The following GLT8D2 variants were observed in gnomAD, a reference collection of about 807,000 sequenced individuals.
GLT8D2 encodes glycosyltransferase 8 domain-containing protein 2.
GLT8D2 carries 45 observed loss-of-function variants against 44.5 expected under a neutral mutation model. The observed-to-expected ratio is 1.01, with a 90% CI of 0.80 to 1.30. The LOEUF (loss-of-function observed/expected upper bound fraction) is 1.30, where lower values mean the gene tolerates loss of function less well. Among genes scored for constraint, GLT8D2 ranks in the 50% most tolerant of loss-of-function variants. GLT8D2 has a pLI of 0.00. For missense variants in GLT8D2, 400 were observed against 430.4 expected (o/e 0.93, Z 0.62); for synonymous variants, 156 against 157.2 (o/e 0.99, Z 0.06).
upstream of GLT8D2, among the ~76,000 whole-genome samples, chr12:104,053,988 G>A (rs1881953021): frequency 6.6e-6 from 1 of 151,910 alleles, no homozygotes; most frequent in South Asian, 2.1e-4. Flanking sequence ...ATATTTAACT[G>A]AGAAAGACTG....
chr12:104,018,363 C>T (rs1877159308), intron 3 of GLT8D2, among the ~76,000 whole-genome samples: 1 of 152,090 alleles, frequency 6.6e-6, no homozygotes, highest in African/African-American at 2.4e-5. Flanking sequence ...TTTGTCTTCC[C>T]ATTTGTAAAA....
intron 5 of GLT8D2, among the ~76,000 whole-genome samples, chr12:104,001,372 A>G (rs1346983920): frequency 2.0e-5 from 3 of 152,244 alleles, no homozygotes; most frequent in Non-Finnish European, 2.9e-5. Flanking sequence ...ATGTACTAGA[A>G]TTTTTGTAGC....
At chr12:104,034,599 C>T (rs920676919) in intron 1 of GLT8D2, among the ~76,000 whole-genome samples, 1 of 152,238 alleles carries the variant, frequency 6.6e-6, no homozygotes, top group Non-Finnish European at 1.5e-5. Context: ...AGGGCGTCCA[C>T]CATTGCTGAG....
In GLT8D2 at chr12:104,022,081, AAAG is replaced by A. The variant is rs1349470037; in HGVS notation, c.-163-593_-163-591del. Among the ~76,000 whole-genome samples the A allele has an allele frequency of 5.1e-4, 71 of 139,322 alleles. 3 individuals are homozygous for A. The highest frequency in any genetic ancestry group is 1.8e-3 in the African/African-American group (62 of 34,346). The allele number at this position is 139,322 out of a possible 152,430, so 91.4% of individuals were successfully genotyped here. A position where few individuals can be genotyped will look rare whatever the true frequency, so the allele number is the denominator to read the frequency against. Reference sequence around the variant, plus strand: ...GGGAAAGAAAGAAAGAAAGAAAAAAAAAGAAAGAAAGAAAGAAGAAAAGAAAAG... The same window carrying A: ...GGGAAAGAAAGAAAGAAAGAAAAAAAAAAGAAAGAAAGAAGAAAAGAAAAG... On this transcript the variant is annotated intron_variant, in intron 1 of 10. Transcript: ENST00000360814.
intron 1 of GLT8D2, among the ~76,000 whole-genome samples, chr12:104,022,432 C>T (rs1464805844): frequency 1.3e-5 from 2 of 152,166 alleles, no homozygotes; most frequent in South Asian, 2.1e-4. Flanking sequence ...AAAATACACA[C>T]CTCTACCCAA....
At chr12:104,006,351 A>T (rs902184253) in intron 4 of GLT8D2, among the ~76,000 whole-genome samples, 13 of 152,178 alleles carry the variant, frequency 8.5e-5, no homozygotes, top group Non-Finnish European at 1.8e-4. Flanking sequence ...CATTGTGCAC[A>T]TGTACCCTAA....
At chr12:104,024,878 C>A (rs773085485) in intron 1 of GLT8D2, among the ~76,000 whole-genome samples, 1 of 151,980 alleles carries the variant, frequency 6.6e-6, no homozygotes, top group Non-Finnish European at 1.5e-5. Flanking sequence ...TAAGACCAGC[C>A]TGGCCAACAT....
upstream of GLT8D2, among the ~76,000 whole-genome samples, chr12:104,053,777 G>A (rs1009666198): frequency 9.1e-4 from 138 of 152,004 alleles, no homozygotes; most frequent in Non-Finnish European, 1.6e-3. Flanking sequence ...CCAACTACTC[G>A]GGAGGCTGAG....
chr12:104,019,271 G>T (rs6539118), intron 3 of GLT8D2, among the ~76,000 whole-genome samples: 3 of 151,810 alleles, frequency 2.0e-5, no homozygotes, highest in Non-Finnish European at 4.4e-5. Context: ...GAGACTACAG[G>T]TGTCCGCCAC....
Position 103,996,829 on chromosome 12 carries a change from T to C in GLT8D2, c.506A>G (p.Tyr169Cys). ...VIVQGDIQEL[Y>C]DTTLALGHAA... ...GTGGCCCAGGGCCAAGGTGGTGTCATACAGTTCTTGGATATCACCTGAATT... is the reference window on the plus strand; with the variant it reads ...GTGGCCCAGGGCCAAGGTGGTGTCACACAGTTCTTGGATATCACCTGAATT... The change falls in exon 8 of 11, where the codon TAT (tyrosine) becomes TGT (cysteine). Residue 169 changes from tyrosine (Y) to cysteine (C), a missense_variant. Coordinates refer to ENST00000360814, the MANE Select transcript of GLT8D2 (RefSeq NM_001384711.1). 1 of 1,613,392 alleles carries C rather than the reference T, an allele frequency of 6.2e-7. No homozygotes were observed. The highest frequency in any genetic ancestry group is 8.5e-7 in the Non-Finnish European group (1 of 1,179,568).
At chr12:104,013,545 C>T (rs1315655666) in intron 4 of GLT8D2, among the ~76,000 whole-genome samples, 2 of 152,112 alleles carry the variant, frequency 1.3e-5, no homozygotes, top group Non-Finnish European at 2.9e-5. Flanking sequence ...AAATCATTCT[C>T]TTTGCAGATT....
chr12:104,010,024 C>A (rs72487510), intron 4 of GLT8D2, among the ~76,000 whole-genome samples: 12 of 150,918 alleles, frequency 8.0e-5, no homozygotes, highest in South Asian at 2.1e-4. Context: ...ATAAACAAAC[C>A]AAAAAAAAAG....
intron 1 of GLT8D2, among the ~76,000 whole-genome samples, chr12:104,043,552 C>T (rs977432572): frequency 2.8e-4 from 42 of 152,256 alleles, no homozygotes; most frequent in African/African-American, 9.4e-4. Context: ...CTGCAACCTC[C>T]GCCTCCTGGG....
intron 1 of GLT8D2, among the ~76,000 whole-genome samples, chr12:104,034,415 G>A (rs1304900401): frequency 6.6e-6 from 1 of 152,226 alleles, no homozygotes; most frequent in African/African-American, 2.4e-5. Flanking sequence ...ACTTTACCTG[G>A]AAAAACGGGA....
chr12:104,053,817 G>A (rs1306553295), upstream of GLT8D2, among the ~76,000 whole-genome samples: 1 of 151,870 alleles, frequency 6.6e-6, no homozygotes, highest in Non-Finnish European at 1.5e-5. Context: ...CCGGGAGGCG[G>A]AGTTTGCAGT....
At chr12:103,999,959 T>G (rs186716607) in intron 5 of GLT8D2, among the ~76,000 whole-genome samples, 167 of 152,312 alleles carry the variant, frequency 1.1e-3, no homozygotes, top group Admixed American at 2.1e-3. Flanking sequence ...CAAGGCTGAT[T>G]TGAATTTACC....
At chr12:103,996,615 G>A in intron 8 of GLT8D2, 120 bp downstream of exon 8, 2 of 703,314 alleles carry the variant, frequency 2.8e-6, no homozygotes, top group Non-Finnish European at 5.0e-6. Context: ...CCTCCCTGCA[G>A]TCCAGACTGG....
intron 10 of GLT8D2, among the ~76,000 whole-genome samples, chr12:103,992,624 C>G (rs758957561): frequency 1.4e-4 from 22 of 151,952 alleles, no homozygotes; most frequent in Non-Finnish European, 2.4e-4. Flanking sequence ...TCCCGAGTAG[C>G]TGGGATTGCA....
intron 1 of GLT8D2, among the ~76,000 whole-genome samples, chr12:104,062,394 TAG>T (rs894263527): frequency 6.6e-6 from 1 of 151,580 alleles, no homozygotes; most frequent in Admixed American, 6.6e-5. Flanking sequence ...TTTTAAAACA[TAG>T]AGAGTTATCT....
Sources: allele counts gnomAD v4.1 joint callset (sites outside exome capture counted in the v4.1 genomes callset), GRCh38; gene constraint gnomAD v4.1.1; transcripts MANE v1.5; gene names NCBI Gene and HGNC (gene_info 2026-07-23, HGNC 2026-07-21).